CIT: variants seen among roughly 807,000 people sequenced by gnomAD.
The protein encoded by CIT is citron rho-interacting serine/threonine kinase.
CIT carries 79 observed loss-of-function variants against 272.7 expected under a neutral mutation model. That is an observed-to-expected ratio of 0.29 (90% CI 0.24 to 0.35). The LOEUF is 0.35. Ranked by LOEUF, CIT falls within the 10% of genes least tolerant of loss-of-function variation. CIT has a pLI of 1.00. For missense variants in CIT, 1,909 were observed against 2,618.3 expected (o/e 0.73, Z 5.91); for synonymous variants, 948 against 995.6 (o/e 0.95, Z 0.90).
At chr12:119,758,187 C>T (rs1215470245) in intron 21 of CIT, among the ~76,000 whole-genome samples, 1 of 152,162 alleles carries the variant, frequency 6.6e-6, no homozygotes, top group African/African-American at 2.4e-5. Context: ...GGAACACAGC[C>T]CTTGCTGAAC....
intron 4 of CIT, among the ~76,000 whole-genome samples, chr12:119,854,359 T>C (rs1056988375): frequency 6.6e-6 from 1 of 150,416 alleles, no homozygotes; most frequent in African/African-American, 2.4e-5. Flanking sequence ...AGCTGGGGGC[T>C]AGCCACAGTG....
chr12:119,730,930 C>A (rs745668646), intron 26 of CIT, among the ~76,000 whole-genome samples: 1 of 152,112 alleles, frequency 6.6e-6, no homozygotes, highest in Non-Finnish European at 1.5e-5. Flanking sequence ...GAGTTCAAGA[C>A]CAGCCTGGCC....
At chr12:119,775,256 G>A (rs1963631476) in intron 16 of CIT, among the ~76,000 whole-genome samples, 2 of 152,162 alleles carry the variant, frequency 1.3e-5, no homozygotes, top group Admixed American at 6.5e-5. Context: ...CTGGACAACA[G>A]AGCAAGACTC....
chr12:119,823,969 G>A (rs1416494370), intron 8 of CIT, among the ~76,000 whole-genome samples: 1 of 142,752 alleles, frequency 7.0e-6, no homozygotes, highest in East Asian at 2.1e-4. Flanking sequence ...GAACCCAGGA[G>A]GCAGGGTTGC....
chr12:119,782,690 GA>G, intron 12 of CIT, 53 bp from the exon 13 acceptor site: 1 of 1,604,834 alleles, frequency 6.2e-7, no homozygotes, highest in Middle Eastern at 1.7e-4. Context: ...TGCTTTGTTT[GA>G]AAAGACTCAT....
In CIT at chr12:119,834,151, T is replaced by A. The variant is rs766409004; in HGVS notation, c.594A>T (p.Ile198=). 3 of 1,613,840 alleles carry A rather than the reference T, an allele frequency of 1.9e-6. No homozygotes were observed. In the African/African-American group the frequency reaches 4.0e-5, roughly 22 times the overall value. ...AAATCAGCTCAGCTAGGTAAAACTG[T>A]ATCAGGTTTTCATCTAACTGGTCCT... ...RYEDQLDENL[I]QFYLAELILA... Residue 198 remains isoleucine, a synonymous_variant, in exon 6 of 48, where the codon ATA becomes ATT. Coordinates refer to ENST00000392521, the MANE Select transcript of CIT (RefSeq NM_001206999.2).
chr12:119,844,963 A>G (rs1413555776), intron 5 of CIT, among the ~76,000 whole-genome samples: 3 of 152,080 alleles, frequency 2.0e-5, no homozygotes, highest in Non-Finnish European at 4.4e-5. Context: ...TACTAAAAAT[A>G]CAAAAAATTA....
At chr12:119,735,506 C>T in intron 24 of CIT, 149 bp from the exon 25 acceptor site, 1 of 702,430 alleles carries the variant, frequency 1.4e-6, no homozygotes, top group South Asian at 1.8e-5. Context: ...AGAGCCATGT[C>T]CAAGCTCCTA....
chr12:119,757,295 T>C (rs970109693), intron 22 of CIT, 76 bp downstream of exon 22: 188 of 1,557,266 alleles, frequency 1.2e-4, no homozygotes, highest in Admixed American at 6.8e-4. Context: ...AGATATTGAT[T>C]TGTGCTCGAA....
chr12:119,715,374 A>G (rs1190436153), intron 32 of CIT, among the ~76,000 whole-genome samples: 2 of 152,266 alleles, frequency 1.3e-5, no homozygotes, highest in Admixed American at 6.5e-5. Flanking sequence ...GTTCTGATAC[A>G]TGCTACAACA....
rs754663400 is a variant in CIT at position 119,742,418 on chromosome 12, C to T, written c.2951G>A (p.Ser984Asn). 2 of 1,609,448 alleles carry T rather than the reference C, an allele frequency of 1.2e-6. No homozygotes were observed. Among genetic ancestry groups the T allele is most frequent in the South Asian group, 2.2e-5 (2 of 90,102 alleles). The change falls in exon 24 of 48, where the codon AGC becomes AAC. Residue 984 changes from serine (S) to asparagine (N), a missense_variant. Coordinates refer to ENST00000392521, the MANE Select transcript of CIT (RefSeq NM_001206999.2). ...TGGGTAATTAATACTCACAGTACAGCTGTTACGAAGAGCATCAAATTTGCG... is the reference window on the plus strand; with the variant it reads ...TGGGTAATTAATACTCACAGTACAGTTGTTACGAAGAGCATCAAATTTGCG... ...IQRKFDALRN[S>N]CTVITDLEEQ...
intron 9 of CIT, among the ~76,000 whole-genome samples, chr12:119,812,517 A>G (rs1452608708): frequency 6.6e-6 from 1 of 151,384 alleles, no homozygotes; most frequent in Non-Finnish European, 1.5e-5. Context: ...ATAGTTCACT[A>G]TAAGCTTGAA....
chr12:119,760,269 T>C (rs1361304874), intron 20 of CIT, among the ~76,000 whole-genome samples: 1 of 151,022 alleles, frequency 6.6e-6, no homozygotes, highest in Non-Finnish European at 1.5e-5. Context: ...AGGTAAACCT[T>C]AGGGGCAACA....
intron 41 of CIT, among the ~76,000 whole-genome samples, chr12:119,703,441 T>G (rs1956701622): frequency 6.7e-6 from 1 of 150,368 alleles, no homozygotes; most frequent in African/African-American, 2.5e-5. Flanking sequence ...TTTTTTTTTT[T>G]TTGAGATGGA....
intron 32 of CIT, 72 bp from the exon 33 acceptor site, chr12:119,714,406 C>A: frequency 2.6e-6 from 4 of 1,525,558 alleles, no homozygotes; most frequent in African/African-American, 2.8e-5. Context: ...AAAGACAACC[C>A]ACAGAAAGGG....
At chr12:119,756,403 A>G (rs1203273149) in intron 22 of CIT, among the ~76,000 whole-genome samples, 2 of 151,940 alleles carry the variant, frequency 1.3e-5, no homozygotes, top group African/African-American at 4.8e-5. Flanking sequence ...GGTTTTAAGT[A>G]CTCCTTTTGG....
chr12:119,850,169 C>G lies in CIT; in HGVS notation c.516+5G>C. 1.3e-6 allele frequency: 2 copies of G among 1,550,578 alleles called. No individual in the cohort carries two copies. The highest frequency in any genetic ancestry group is 1.8e-6 in the Non-Finnish European group (2 of 1,122,326). On this transcript the variant is annotated splice_donor_5th_base_variant and intron_variant, in intron 5 of 47. Transcript: ENST00000392521. ...AATTCCAGAGAGACAGATGTAAAGA[C>G]TCACCAGATAAAGGTGATTTTTGTC... is the stretch of plus-strand genomic sequence containing the variant.
chr12:119,830,706 G>C (rs988707668), intron 7 of CIT, among the ~76,000 whole-genome samples: 1 of 152,082 alleles, frequency 6.6e-6, no homozygotes, highest in African/African-American at 2.4e-5. Context: ...TGGCATCTAG[G>C]AGGTAGGAGT....
intron 5 of CIT, among the ~76,000 whole-genome samples, chr12:119,847,287 A>G (rs1969880092): frequency 6.6e-6 from 1 of 152,146 alleles, no homozygotes; most frequent in African/African-American, 2.4e-5. Flanking sequence ...CCTGGCCCGA[A>G]CTTCTTCTTA....
Sources: gnomAD v4.1 joint callset for allele counts (sites outside exome capture counted in the v4.1 genomes callset) on GRCh38, gnomAD v4.1.1 for gene constraint, MANE v1.5 for transcripts, NCBI Gene and HGNC (gene_info 2026-07-23, HGNC 2026-07-21) for gene names.